The following THSD7B variants were observed in gnomAD, a reference collection of about 807,000 sequenced individuals.
THSD7B encodes thrombospondin type-1 domain-containing protein 7B.
Under a neutral mutation model 213.6 loss-of-function variants are expected in THSD7B, and 138 were observed. That is an observed-to-expected ratio of 0.65 (90% confidence interval 0.56 to 0.74). The LOEUF (loss-of-function observed/expected upper bound fraction) is 0.74. Among genes scored for constraint, THSD7B ranks in the 30% least tolerant of loss-of-function variants. THSD7B has a pLI of 0.00. For synonymous variants in THSD7B, 742 were observed against 687.0 expected (o/e 1.08, Z -1.25); for missense variants, 1,931 against 1,991.5 (o/e 0.97, Z 0.58).
chr2:137,303,103 A>G (rs981284707), intron 12 of THSD7B, among the ~76,000 whole-genome samples: 1 of 152,204 alleles, frequency 6.6e-6, no homozygotes, highest in African/African-American at 2.4e-5. Context: ...CCTGGGCTCA[A>G]GCAATGCTCC....
At chr2:137,110,826 A>G (rs1688334548) in intron 4 of THSD7B, among the ~76,000 whole-genome samples, 1 of 152,156 alleles carries the variant, frequency 6.6e-6, no homozygotes, top group African/African-American at 2.4e-5. Context: ...AGATTGTAAT[A>G]CTTTATTTTT....
intron 12 of THSD7B, among the ~76,000 whole-genome samples, chr2:137,358,200 G>C (rs1276877617): frequency 6.6e-6 from 1 of 152,148 alleles, no homozygotes; most frequent in African/African-American, 2.4e-5. Context: ...GTTTGGTTTT[G>C]TCTACAAACC....
At chr2:137,670,819 G>T (rs1360357015) in intron 27 of THSD7B, among the ~76,000 whole-genome samples, 3 of 151,466 alleles carry the variant, frequency 2.0e-5, no homozygotes, top group African/African-American at 7.3e-5. Flanking sequence ...TACTCCGGAG[G>T]CTGAGGCAGG....
chr2:137,361,919 A>G (rs891876924), intron 12 of THSD7B, among the ~76,000 whole-genome samples: 1 of 152,064 alleles, frequency 6.6e-6, no homozygotes, highest in Non-Finnish European at 1.5e-5. Flanking sequence ...GCAACCCCAA[A>G]ACACATAATT....
chr2:137,543,872 T>G (rs1208600257), intron 15 of THSD7B, among the ~76,000 whole-genome samples: 1 of 151,204 alleles, frequency 6.6e-6, no homozygotes, highest in Non-Finnish European at 1.5e-5. Context: ...CCCGAAAAAA[T>G]GCTCAGATGC....
At chr2:136,778,822 A>G (rs898485996) in intron 1 of THSD7B, among the ~76,000 whole-genome samples, 3 of 152,262 alleles carry the variant, frequency 2.0e-5, no homozygotes, top group Non-Finnish European at 4.4e-5. Context: ...TGATACCTCT[A>G]TAAGCACTAG....
intron 12 of THSD7B, among the ~76,000 whole-genome samples, chr2:137,395,778 G>A (rs956169728): frequency 1.2e-4 from 18 of 151,638 alleles, no homozygotes; most frequent in African/African-American, 4.1e-4. Context: ...ATTCAGCTGT[G>A]AATCCATCTG....
chr2:137,522,248 G>A (rs541148631), intron 15 of THSD7B, among the ~76,000 whole-genome samples: 20 of 152,302 alleles, frequency 1.3e-4, no homozygotes, highest in Admixed American at 5.2e-4. Context: ...TAGACTGCAT[G>A]TGTTTTCCAG....
intron 5 of THSD7B, among the ~76,000 whole-genome samples, chr2:137,117,021 T>C (rs1405425479): frequency 6.6e-6 from 1 of 152,148 alleles, no homozygotes; most frequent in Non-Finnish European, 1.5e-5. Flanking sequence ...GACCTGGATG[T>C]AAATACATAG....
Position 136,983,370 on chromosome 2 carries a change from C to CACA in THSD7B, c.140-73050_140-73049insACA, listed in dbSNP as rs763445594. Among the ~76,000 whole-genome samples the CACA allele has an allele frequency of 4.3e-4, 62 of 144,238 alleles. 1 individual carries two copies. The highest frequency in any genetic ancestry group is 1.9e-3 in the Admixed American group (28 of 14,362). 94.6% of individuals were successfully genotyped at this position (144,238 alleles called of 152,430 possible). A position where few individuals can be genotyped will look rare whatever the true frequency, so the allele number is the denominator to read the frequency against. On this transcript the variant is annotated intron_variant, in intron 2 of 27. Transcript: ENST00000409968. ...ACACAGACACACAGACACACACACA[C>CACA]GCACACACACTCACTCTCTCTCTCT...
At position 137,656,971 on chromosome 2, in the gene THSD7B, T is replaced by C; in HGVS notation, c.4279+2T>C. ...TTCTAGAAACACGCCCTTGTACAGG[T>C]ACCAAGAGCACTTTTCAGTTCTTTA... is the stretch of plus-strand genomic sequence containing the variant. On this transcript the variant is annotated splice_donor_variant, in intron 23 of 27. Transcript: ENST00000409968. LOFTEE classifies it high-confidence loss of function. The C allele has an allele frequency of 1.2e-6, 2 of 1,613,692 alleles. No individual in the cohort carries two copies. Among genetic ancestry groups the C allele is most frequent in the Non-Finnish European group, 1.7e-6 (2 of 1,179,694 alleles).
chr2:137,354,473 A>G (rs371824117), intron 12 of THSD7B, among the ~76,000 whole-genome samples: 1 of 152,122 alleles, frequency 6.6e-6, no homozygotes, highest in Non-Finnish European at 1.5e-5. Flanking sequence ...TTCTTTAATA[A>G]TCATCTATTA....
At chr2:136,983,881 G>A (rs184271993) in intron 2 of THSD7B, among the ~76,000 whole-genome samples, 12 of 152,212 alleles carry the variant, frequency 7.9e-5, no homozygotes, top group Admixed American at 2.6e-4. Flanking sequence ...ATAGCCATGT[G>A]GAATGGGAAA....
chr2:137,239,870 C>T (rs761626892), intron 9 of THSD7B, among the ~76,000 whole-genome samples: 1 of 152,206 alleles, frequency 6.6e-6, no homozygotes, highest in Non-Finnish European at 1.5e-5. Flanking sequence ...AGGGTGACCT[C>T]ATGGTTGAAT....
chr2:137,423,871 T>A (rs1421833716), intron 14 of THSD7B, among the ~76,000 whole-genome samples: 1 of 152,068 alleles, frequency 6.6e-6, no homozygotes, highest in Non-Finnish European at 1.5e-5. Flanking sequence ...CTTGAAAAGG[T>A]GGAACAAAGT....
rs1320602018 is a variant in THSD7B, at chr2:137,305,231, G to A, written c.2500+29205G>A. Among the ~76,000 whole-genome samples the A allele has an allele frequency of 1.3e-5, 2 of 152,114 alleles. 1 individual carries two copies. The highest frequency in any genetic ancestry group is 2.9e-5 in the Non-Finnish European group (2 of 68,036). On this transcript the variant is annotated intron_variant, in intron 12 of 27. Coordinates refer to ENST00000409968, the MANE Select transcript of THSD7B (RefSeq NM_001316349.2). Reference sequence around the variant, plus strand: ...CAGGTCAGAAGTCTTATGCCAATCAGGCACTCATTGTACCAGTCGGGATCA... The same window carrying A: ...CAGGTCAGAAGTCTTATGCCAATCAAGCACTCATTGTACCAGTCGGGATCA...
At chr2:137,451,069 C>A (rs1180881407) in intron 15 of THSD7B, 46 bp downstream of exon 15, 1 of 1,449,156 alleles carries the variant, frequency 6.9e-7, no homozygotes, top group Admixed American at 2.8e-5. Flanking sequence ...AAGCTATCCT[C>A]ATTATTATTT....
chr2:136,826,212 G>A (rs1198399190), intron 1 of THSD7B, among the ~76,000 whole-genome samples: 5 of 152,274 alleles, frequency 3.3e-5, no homozygotes, highest in African/African-American at 4.8e-5. Context: ...TTCAGGAAAT[G>A]GCAGATATGA....
intron 15 of THSD7B, among the ~76,000 whole-genome samples, chr2:137,513,652 T>A (rs1434422599): frequency 6.6e-6 from 1 of 152,180 alleles, no homozygotes; most frequent in Non-Finnish European, 1.5e-5. Context: ...AAAAAGTTAT[T>A]ATTATTTTTT....
Sources: gnomAD v4.1 joint callset for allele counts (sites outside exome capture counted in the v4.1 genomes callset) on GRCh38, gnomAD v4.1.1 for gene constraint, MANE v1.5 for transcripts, NCBI Gene and HGNC (gene_info 2026-07-23, HGNC 2026-07-21) for gene names.